MSANTD4: variants seen among roughly 807,000 people sequenced by gnomAD.
MSANTD4 encodes the protein Myb/SANT DNA binding domain containing 4 with coiled-coils, also known as myb/SANT-like DNA-binding domain-containing protein 4.
MSANTD4 carries 13 observed loss-of-function variants against 34.3 expected under a neutral mutation model. The ratio of observed to expected loss-of-function variants is 0.38; its 90% CI spans 0.25 to 0.60. The LOEUF (loss-of-function observed/expected upper bound fraction) is 0.60. Among genes scored for constraint, MSANTD4 ranks in the 20% least tolerant of loss-of-function variants. The pLI is 0.63. For synonymous variants in MSANTD4, 137 were observed against 145.2 expected (o/e 0.94, Z 0.41); for missense variants, 358 against 401.8 (o/e 0.89, Z 0.93).
intron 1 of MSANTD4, among the ~76,000 whole-genome samples, chr11:106,016,976 G>A (rs1264760386): frequency 6.6e-6 from 1 of 152,032 alleles, no homozygotes. Flanking sequence ...ATAAATTTTG[G>A]TTTCCAAAAT....
intron 1 of MSANTD4, among the ~76,000 whole-genome samples, 154 bp downstream of exon 1, chr11:106,020,808 G>C (rs1247813738): frequency 6.6e-6 from 1 of 152,124 alleles, no homozygotes; most frequent in African/African-American, 2.4e-5. Context: ...TTTTTAACCT[G>C]ACTGAAATTG....
intron 1 of MSANTD4, among the ~76,000 whole-genome samples, chr11:106,013,267 A>G (rs1273248076): frequency 5.3e-5 from 8 of 152,186 alleles, no homozygotes; most frequent in African/African-American, 1.9e-4. Flanking sequence ...CTCCCCTACA[A>G]AATGTGAAAT....
intron 1 of MSANTD4, among the ~76,000 whole-genome samples, chr11:106,012,834 A>G (rs950146859): frequency 6.6e-6 from 1 of 152,182 alleles, no homozygotes; most frequent in Non-Finnish European, 1.5e-5. Context: ...CAAGCCTTAC[A>G]TAAGTGCATC....
intron 2 of MSANTD4, 79 bp downstream of exon 2, chr11:106,010,377 T>C (rs1859657060): frequency 2.0e-6 from 3 of 1,505,950 alleles, no homozygotes; most frequent in Non-Finnish European, 1.8e-6. Flanking sequence ...AATCTTGGAA[T>C]GTGTTAACAG....
intron 1 of MSANTD4, among the ~76,000 whole-genome samples, chr11:106,018,309 A>G (rs1358916805): frequency 6.6e-6 from 1 of 152,200 alleles, no homozygotes; most frequent in Non-Finnish European, 1.5e-5. Context: ...ATTTTGTATT[A>G]GTCACATTTC....
At position 106,010,439 on chromosome 11, in the gene MSANTD4, C is replaced by A; in HGVS notation, c.462+17G>T. The A allele has an allele frequency of 6.3e-7, 1 of 1,591,748 alleles. No homozygotes were observed. The highest frequency in any genetic ancestry group is 8.6e-7 in the Non-Finnish European group (1 of 1,168,718). On this transcript the variant is annotated intron_variant, in intron 2 of 2. Coordinates refer to ENST00000301919, the MANE Select transcript of MSANTD4 (RefSeq NM_032424.3). Reference sequence around the variant, plus strand: ...GAATTGAAAAGATTAAAAGAGGGTACAGAGGCTAATACTTACTTCAGGACT... The same window carrying A: ...GAATTGAAAAGATTAAAAGAGGGTAAAGAGGCTAATACTTACTTCAGGACT...
At chr11:106,011,522 G>A (rs747345003) in intron 1 of MSANTD4, among the ~76,000 whole-genome samples, 4 of 152,092 alleles carry the variant, frequency 2.6e-5, no homozygotes, top group East Asian at 1.9e-4. Context: ...TTAAGCATCC[G>A]TTTCTCAGGG....
Position 106,010,553 on chromosome 11 carries a change from T to C in MSANTD4, c.365A>G (p.Asn122Ser), listed in dbSNP as rs769243131. ...ATCTGCCACATTTTGCCAGTCAAAA[T>C]TTGCATCATTTCGGAATCCAATCTT... ...DEKIGFRNDA[N>S]FDWQNVADFR... is the part of the protein sequence containing the mutation. Residue 122 changes from asparagine (N) to serine (S), a missense_variant, in exon 2 of 3, where the codon AAT becomes AGT. This residue lies in a region of MSANTD4 where 312 missense variants were observed against 317.6 expected (regional missense o/e 0.98). Transcript: ENST00000301919. 15 of 1,614,196 alleles carry C rather than the reference T, an allele frequency of 9.3e-6. No homozygotes were observed. The highest frequency in any genetic ancestry group is 1.2e-5 in the Non-Finnish European group (14 of 1,180,030).
At chr11:106,018,398 A>C (rs979445608) in intron 1 of MSANTD4, among the ~76,000 whole-genome samples, 1 of 152,202 alleles carries the variant, frequency 6.6e-6, no homozygotes, top group African/African-American at 2.4e-5. Flanking sequence ...TAACCTAAAG[A>C]GCTTTTAAAA....
At chr11:106,018,141 T>G (rs561662020) in intron 1 of MSANTD4, among the ~76,000 whole-genome samples, 1 of 152,260 alleles carries the variant, frequency 6.6e-6, no homozygotes, top group East Asian at 1.9e-4. Flanking sequence ...AATGAAAAGG[T>G]GATTAATATT....
intron 1 of MSANTD4, among the ~76,000 whole-genome samples, chr11:106,018,757 T>C (rs957027936): frequency 6.6e-6 from 1 of 152,176 alleles, no homozygotes; most frequent in Non-Finnish European, 1.5e-5. Flanking sequence ...GTAGGACCAA[T>C]TCACACTCCT....
chr11:106,019,772 C>A (rs1024827876), intron 1 of MSANTD4, among the ~76,000 whole-genome samples: 6 of 152,168 alleles, frequency 3.9e-5, no homozygotes, highest in Non-Finnish European at 8.8e-5. Context: ...TAGTAAAACA[C>A]AGATGCATAA....
rs1331424622 is a variant in MSANTD4, at chr11:106,008,031, T to G, written c.*1504A>C. 1.3e-5 allele frequency: 2 copies of G among 152,640 alleles called. No homozygotes were observed. Among genetic ancestry groups the G allele is most frequent in the Non-Finnish European group, 2.9e-5 (2 of 68,038 alleles). 9.5% of individuals were successfully genotyped at this position (152,640 alleles called of 1,614,324 possible). On this transcript the variant is annotated 3_prime_UTR_variant, in exon 3 of 3. Coordinates refer to ENST00000301919, the MANE Select transcript of MSANTD4 (RefSeq NM_032424.3). ...TTCCTTGCATACCCATCCTCAAATGTCAACACACAGTTTCCAGCCATTCTT... is the reference window on the plus strand; with the variant it reads ...TTCCTTGCATACCCATCCTCAAATGGCAACACACAGTTTCCAGCCATTCTT...
chr11:106,010,099 C>T lies in MSANTD4; in HGVS notation c.474G>A (p.Glu158=), dbSNP rs747534542. 75 of 1,562,372 alleles carry T rather than the reference C, an allele frequency of 4.8e-5. No homozygotes were observed. In the East Asian group the frequency reaches 1.7e-3, roughly 35 times the overall value. Residue 158 remains glutamate (E), a synonymous_variant, in exon 3 of 3, where the codon GAG becomes GAA. Transcript: ENST00000301919. ...RDPQSPEFEI[E]EEEEMLSSVI... The stretch of plus-strand genomic sequence containing the variant: ...CGGATGACAACATTTCTTCCTCCTC[C>T]TCAATTTCAAACTAAGAGCAAAGAG...
chr11:106,020,028 A>C (rs773125504), intron 1 of MSANTD4, among the ~76,000 whole-genome samples: 5 of 152,236 alleles, frequency 3.3e-5, no homozygotes, highest in Non-Finnish European at 5.9e-5. Context: ...TAAGCCCACA[A>C]ATGTCAGCTA....
intron 1 of MSANTD4, among the ~76,000 whole-genome samples, chr11:106,012,540 A>T (rs1031549290): frequency 1.3e-5 from 2 of 152,212 alleles, no homozygotes; most frequent in African/African-American, 4.8e-5. Context: ...TTTTGAGTGG[A>T]AAAGATCCTC....
chr11:106,013,689 C>T (rs1013436201), intron 1 of MSANTD4, among the ~76,000 whole-genome samples: 7 of 152,112 alleles, frequency 4.6e-5, no homozygotes, highest in Admixed American at 2.0e-4. Context: ...GGCAAAACCC[C>T]GTATCTACTA....
Position 106,009,224 on chromosome 11 carries a change from C to A in MSANTD4, c.*311G>T. 1 of 219,534 alleles carries A rather than the reference C, an allele frequency of 4.6e-6. No homozygotes were observed. The allele number at this position is 219,534 out of a possible 1,614,324, so 13.6% of individuals were successfully genotyped here. A position where few individuals can be genotyped will look rare whatever the true frequency, so the allele number is the denominator to read the frequency against. On this transcript the variant is annotated 3_prime_UTR_variant, in exon 3 of 3. Transcript: ENST00000301919. ...TGGTCTTCTGAAGGCCAAAATCTACCCCAGATGAGAACTTCTGGGCTAGAA... is the reference window on the plus strand; with the variant it reads ...TGGTCTTCTGAAGGCCAAAATCTACACCAGATGAGAACTTCTGGGCTAGAA...
chr11:106,011,447 C>T (rs1230085458), intron 1 of MSANTD4, among the ~76,000 whole-genome samples: 1 of 152,202 alleles, frequency 6.6e-6, no homozygotes, highest in Non-Finnish European at 1.5e-5. Flanking sequence ...ATGGATTGCT[C>T]CCTTCTCGGT....
Sources: gnomAD v4.1 joint callset for allele counts (sites outside exome capture counted in the v4.1 genomes callset) on GRCh38, gnomAD v4.1.1 for gene constraint, gnomAD v4.1.1 regional missense constraint, MANE v1.5 for transcripts, NCBI Gene and HGNC (gene_info 2026-07-23, HGNC 2026-07-21) for gene names.